NME6: variants seen among roughly 807,000 people sequenced by gnomAD.
NME6 encodes the protein NME/NM23 nucleoside diphosphate kinase 6.
Under a neutral mutation model 22.2 loss-of-function variants are expected in NME6, and 16 were observed. That is an observed-to-expected ratio of 0.72 (90% CI 0.49 to 1.09). The LOEUF is 1.09. Ranked by LOEUF, NME6 falls within the 50% of genes least tolerant of loss-of-function variation. The pLI, the probability that NME6 is intolerant of heterozygous loss-of-function variation, is 0.00. For missense variants in NME6, 229 were observed against 239.0 expected, an observed-to-expected ratio of 0.96 and a Z score of 0.28; for synonymous variants, 58 against 85.2, an observed-to-expected ratio of 0.68 and a Z score of 1.76.
downstream of NME6, among the ~76,000 whole-genome samples, chr3:48,289,175 C>A (rs1451282258): frequency 1.3e-5 from 2 of 151,990 alleles, no homozygotes; most frequent in African/African-American, 4.8e-5. Context: ...AGCAATTCTT[C>A]TGCCTCAGCC....
downstream of NME6, among the ~76,000 whole-genome samples, chr3:48,290,155 G>C (rs2034356851): frequency 6.6e-6 from 1 of 151,484 alleles, no homozygotes; most frequent in African/African-American, 2.4e-5. Context: ...CCACCTTCCA[G>C]GCTCAAGTGA....
chr3:48,299,427 C>T (rs1269472188), intron 1 of NME6, among the ~76,000 whole-genome samples: 1 of 152,048 alleles, frequency 6.6e-6, no homozygotes, highest in Non-Finnish European at 1.5e-5. Context: ...GGAGTAAAGA[C>T]TTTGTCTCAA....
rs1033847297 is a variant in NME6 at position 48,292,906 on chromosome 3, G to C, written c.*1731C>G. On this transcript the variant is annotated 3_prime_UTR_variant, in exon 6 of 6. Coordinates refer to ENST00000442597, the MANE Select transcript of NME6 (RefSeq NM_001308426.2). ...GAAGACAGAGATAGTATCTCCCTAA[G>C]ATTGTGGTTCCTTAGCCGTCATGCA... 1 of 152,238 alleles carries C rather than the reference G, an allele frequency of 6.6e-6. No individual in the cohort carries two copies. Among genetic ancestry groups the C allele is most frequent in the Non-Finnish European group, 1.5e-5 (1 of 68,088 alleles). The allele number at this position is 152,238 out of a possible 1,614,324, so 9.4% of individuals were successfully genotyped here.
intron 3 of NME6, 125 bp downstream of exon 3, chr3:48,296,602 A>G: frequency 1.5e-6 from 1 of 677,190 alleles, no homozygotes; most frequent in South Asian, 1.9e-5. Flanking sequence ...CCAAGATTTT[A>G]GAAAACTGGC....
chr3:48,291,407 G>C (rs1338218079), downstream of NME6: 1 of 378,036 alleles, frequency 2.6e-6, no homozygotes, highest in Non-Finnish European at 5.1e-6. Context: ...TTTTAAGACA[G>C]GGTCTCACTG....
At chr3:48,290,337 C>A (rs1276023258), downstream of NME6, among the ~76,000 whole-genome samples, 2 of 151,814 alleles carry the variant, frequency 1.3e-5, no homozygotes, top group African/African-American at 2.4e-5. Flanking sequence ...TTATTTCTTA[C>A]TGTAAATGAC....
In NME6 at chr3:48,295,174, T is replaced by G. The variant is rs536115670; in HGVS notation, c.295A>C (p.Met99Leu). Reference sequence around the variant, plus strand: ...GCTCGGAACACTCTGGTGGGTCCCATGAGCGTCCTCCAGAGCTGGATGGCA... The same window carrying G: ...GCTCGGAACACTCTGGTGGGTCCCAGGAGCGTCCTCCAGAGCTGGATGGCA... ...KDAIQLWRTL[M>L]GPTRVFRARH... Residue 99 changes from methionine (M) to leucine (L), a missense_variant, in exon 5 of 6, where the codon ATG becomes CTG. Physicochemically the swap from Met to Leu is conservative, Grantham distance 15. Transcript: ENST00000442597. The G allele has an allele frequency of 3.2e-5, 52 of 1,614,198 alleles. No homozygotes were observed. In the South Asian group the frequency reaches 5.5e-4, roughly 17 times the overall value.
chr3:48,288,161 G>A (rs1446146831), downstream of NME6, among the ~76,000 whole-genome samples: 5 of 151,882 alleles, frequency 3.3e-5, no homozygotes, highest in South Asian at 6.2e-4. Context: ...TGGGTGAATC[G>A]CTTGAGCCCA....
In NME6 at chr3:48,301,365, C is replaced by G; in HGVS notation, c.-20G>C. 1 of 1,557,738 alleles carries G rather than the reference C, an allele frequency of 6.4e-7. No homozygotes were observed. The highest frequency in any genetic ancestry group is 2.4e-5 in the East Asian group (1 of 41,738). ...GCTGCGGGTTCACCTTGTCCTCCGG[C>G]ACAGGGCCCGGCCACCAGGCGCCAC... On this transcript the variant is annotated 5_prime_UTR_variant, in exon 1 of 6. Coordinates refer to ENST00000442597, the MANE Select transcript of NME6 (RefSeq NM_001308426.2).
At chr3:48,300,652 T>G (rs2035594720) in intron 1 of NME6, 1 of 255,520 alleles carries the variant, frequency 3.9e-6, no homozygotes. Flanking sequence ...GAGGACATGG[T>G]TCCTTTACTA....
At chr3:48,288,969 GA>G, downstream of NME6, among the ~76,000 whole-genome samples, 1 of 152,308 alleles carries the variant, frequency 6.6e-6, no homozygotes. Flanking sequence ...GGTGAGAGAG[GA>G]CACTGAAGAG....
chr3:48,294,479 TC>T lies in NME6; in HGVS notation c.*157del, dbSNP rs1012666453. 3.2e-6 allele frequency: 2 copies of T among 631,816 alleles called. No homozygotes were observed. The highest frequency in any genetic ancestry group is 3.7e-5 in the African/African-American group (2 of 54,774). The allele number at this position is 631,816 out of a possible 1,614,324, so 39.1% of individuals were successfully genotyped here. A position where few individuals can be genotyped will look rare whatever the true frequency, so the allele number is the denominator to read the frequency against. On this transcript the variant is annotated 3_prime_UTR_variant, in exon 6 of 6. Coordinates refer to ENST00000442597, the MANE Select transcript of NME6 (RefSeq NM_001308426.2). ...GAGAAGAGGTAGATAGAAGGCTAGA[TC>T]CTGGAGGATGTGCTGTGGTGAGCTA...
In NME6 at chr3:48,294,519, G is replaced by C; in HGVS notation, c.*118C>G. ...TGTGGTGAGCTAGGCCCTCAGGCAGGTGGTGGTGCCCAGCAGAAATGGCAC... is the reference window on the plus strand; with the variant it reads ...TGTGGTGAGCTAGGCCCTCAGGCAGCTGGTGGTGCCCAGCAGAAATGGCAC... On this transcript the variant is annotated 3_prime_UTR_variant, in exon 6 of 6. Transcript: ENST00000442597. The C allele has an allele frequency of 2.0e-6, 2 of 985,346 alleles. No individual in the cohort carries two copies. The highest frequency in any genetic ancestry group is 4.9e-5 in the East Asian group (2 of 40,424). The allele number at this position is 985,346 out of a possible 1,614,324, so 61.0% of individuals were successfully genotyped here. A position where few individuals can be genotyped will look rare whatever the true frequency, so the allele number is the denominator to read the frequency against.
intron 4 of NME6, 61 bp from the exon 5 acceptor site, chr3:48,295,296 G>A (rs767941146): frequency 9.2e-6 from 14 of 1,522,846 alleles, no homozygotes; most frequent in Non-Finnish European, 1.2e-5. Context: ...GGTGTGCTGT[G>A]AGCAGGGCCT....
chr3:48,290,261 AT>A (rs910886915), downstream of NME6, among the ~76,000 whole-genome samples: 47 of 151,042 alleles, frequency 3.1e-4, no homozygotes, highest in African/African-American at 7.5e-4. Context: ...TTAAAAAAAA[AT>A]TTTTTTTTAC....
chr3:48,291,200 G>A, downstream of NME6: 1 of 365,246 alleles, frequency 2.7e-6, no homozygotes. Flanking sequence ...GGACCCAGCT[G>A]TGTAATATAT....
chr3:48,298,510 A>G lies in NME6; in HGVS notation c.7T>C (p.Ser3Pro). Residue 3 changes from serine to proline, a missense_variant, in exon 2 of 6, where the codon TCA becomes CCA. By Grantham distance (74) the Ser-to-Pro change is moderately conservative. Transcript: ENST00000442597. MA[S>P]ILRSPQALQL... Reference sequence around the variant, plus strand: ...AGAGCCTGAGGGCTTCGCAAGATTGAGGCCATCTCACTCCTGCCATTAGAG... The same window carrying G: ...AGAGCCTGAGGGCTTCGCAAGATTGGGGCCATCTCACTCCTGCCATTAGAG... The G allele has an allele frequency of 6.2e-7, 1 of 1,604,188 alleles. No individual in the cohort carries two copies. Among genetic ancestry groups the G allele is most frequent in the Non-Finnish European group, 8.5e-7 (1 of 1,175,516 alleles).
At chr3:48,298,155 G>T (rs1490073280) in intron 2 of NME6, 3 of 463,412 alleles carry the variant, frequency 6.5e-6, no homozygotes, top group Non-Finnish European at 1.2e-5. Context: ...CTCAAGTCTG[G>T]AGTAATGTGT....
At chr3:48,288,152 G>A (rs2106867666), downstream of NME6, among the ~76,000 whole-genome samples, 1 of 152,198 alleles carries the variant, frequency 6.6e-6, no homozygotes, top group Middle Eastern at 3.4e-3. Context: ...AGGCCGAGAT[G>A]GGTGAATCGC....
Sources: allele counts gnomAD v4.1 joint callset (sites outside exome capture counted in the v4.1 genomes callset), GRCh38; gene constraint gnomAD v4.1.1; transcripts MANE v1.5; gene names NCBI Gene and HGNC (gene_info 2026-07-23, HGNC 2026-07-21).